SORCS1: variants seen among roughly 807,000 people sequenced by gnomAD.
SORCS1 encodes VPS10 domain-containing receptor SorCS1.
A neutral mutation model predicts 146.1 loss-of-function variants in SORCS1; 60 were observed. The observed-to-expected ratio is 0.41, with a 90% CI of 0.33 to 0.51. SORCS1 has a LOEUF of 0.51. Among genes scored for constraint, SORCS1 ranks in the 20% least tolerant of loss-of-function variants. The pLI is 0.21. For synonymous variants in SORCS1, 637 were observed against 584.0 expected (o/e 1.09, Z -1.31); for missense variants, 1,352 against 1,487.6 (o/e 0.91, Z 1.50).
chr10:107,149,689 A>G (rs1367208424), intron 1 of SORCS1, among the ~76,000 whole-genome samples: 1 of 152,242 alleles, frequency 6.6e-6, no homozygotes, highest in Non-Finnish European at 1.5e-5. Flanking sequence ...TGAGAAAATC[A>G]GATTCCTTTG....
At chr10:106,693,445 C>T (rs1209832771) in intron 9 of SORCS1, among the ~76,000 whole-genome samples, 2 of 152,094 alleles carry the variant, frequency 1.3e-5, no homozygotes, top group African/African-American at 2.4e-5. Flanking sequence ...CCTAGAGTGG[C>T]CTGAGAGAAA....
intron 1 of SORCS1, among the ~76,000 whole-genome samples, chr10:106,970,310 C>T (rs1163742517): frequency 6.9e-6 from 1 of 144,232 alleles, no homozygotes; most frequent in Non-Finnish European, 1.5e-5. Context: ...TTATCCCCTT[C>T]TTCCCTCCAA....
chr10:106,597,271 C>G, intron 24 of SORCS1, 80 bp downstream of exon 24: 1 of 1,151,638 alleles, frequency 8.7e-7, no homozygotes, highest in Non-Finnish European at 1.3e-6. Flanking sequence ...ACCATCTAGC[C>G]TTTTTATGAG....
intron 1 of SORCS1, among the ~76,000 whole-genome samples, chr10:107,141,129 T>A (rs1360686823): frequency 6.6e-6 from 1 of 152,150 alleles, no homozygotes; most frequent in Non-Finnish European, 1.5e-5. Context: ...CGACCCATGT[T>A]AACTACACTC....
chr10:107,022,833 G>A (rs1958206637), intron 1 of SORCS1, among the ~76,000 whole-genome samples: 1 of 152,120 alleles, frequency 6.6e-6, no homozygotes, highest in South Asian at 2.1e-4. Context: ...TGGATTTCTG[G>A]GTCTTACCTC....
chr10:107,045,770 A>C (rs376335874), intron 1 of SORCS1, among the ~76,000 whole-genome samples: 19 of 151,028 alleles, frequency 1.3e-4, no homozygotes, highest in Middle Eastern at 6.8e-3. Flanking sequence ...TGTTATGTGA[A>C]TATATATCTT....
intron 3 of SORCS1, among the ~76,000 whole-genome samples, chr10:106,803,400 A>G (rs1460531043): frequency 6.6e-6 from 1 of 152,194 alleles, no homozygotes; most frequent in African/African-American, 2.4e-5. Flanking sequence ...TTTATTGTAA[A>G]AGGCTAGTTT....
intron 1 of SORCS1, among the ~76,000 whole-genome samples, chr10:106,986,295 G>C (rs963597885): frequency 4.0e-4 from 60 of 151,696 alleles, no homozygotes; most frequent in African/African-American, 1.4e-3. Flanking sequence ...ACAAACACAC[G>C]TGTAAAAAAA....
chr10:106,912,563 AT>A (rs567917689), intron 2 of SORCS1, among the ~76,000 whole-genome samples: 63 of 152,326 alleles, frequency 4.1e-4, no homozygotes, highest in Non-Finnish European at 5.4e-4. Context: ...GGATCACTGT[AT>A]AATCCTTCTG....
At chr10:107,082,465 C>CT (rs530813553) in intron 1 of SORCS1, among the ~76,000 whole-genome samples, 21 of 151,396 alleles carry the variant, frequency 1.4e-4, no homozygotes, top group Admixed American at 4.6e-4. Flanking sequence ...CTTCTCCTTT[C>CT]TTTTTTTTTC....
At chr10:106,942,166 C>A (rs1285071113) in intron 2 of SORCS1, among the ~76,000 whole-genome samples, 1 of 152,174 alleles carries the variant, frequency 6.6e-6, no homozygotes, top group Non-Finnish European at 1.5e-5. Context: ...TCCCCGGGGA[C>A]AAGACATGTT....
intron 3 of SORCS1, among the ~76,000 whole-genome samples, chr10:106,820,851 G>A (rs545411564): frequency 6.6e-6 from 1 of 152,144 alleles, no homozygotes; most frequent in Non-Finnish European, 1.5e-5. Flanking sequence ...CCAGAATGTT[G>A]AAAAGACCTC....
rs548929016 is a variant in SORCS1 at position 106,985,682 on chromosome 10, G to A, written c.559-29102C>T. Reference sequence around the variant, plus strand: ...TTCCCGAGTAGCTGGGATTACAGGCGCCCACCACCACACCCAGCCAATTTT... The same window carrying A: ...TTCCCGAGTAGCTGGGATTACAGGCACCCACCACCACACCCAGCCAATTTT... On this transcript the variant is annotated intron_variant, in intron 1 of 25. Coordinates refer to ENST00000263054, the MANE Select transcript of SORCS1 (RefSeq NM_052918.5). Among the ~76,000 whole-genome samples, 9 of 151,670 alleles carry A rather than the reference G, an allele frequency of 5.9e-5. No homozygotes were observed. The South Asian group carries it at 6.3e-4, about 11-fold the overall frequency.
chr10:106,712,291 G>C (rs1163326869), intron 6 of SORCS1, among the ~76,000 whole-genome samples: 1 of 152,162 alleles, frequency 6.6e-6, no homozygotes, highest in East Asian at 1.9e-4. Context: ...TCAACAGAAA[G>C]CAAGTTGTCA....
intron 5 of SORCS1, among the ~76,000 whole-genome samples, chr10:106,743,968 A>G (rs1315868820): frequency 6.6e-6 from 1 of 152,018 alleles, no homozygotes; most frequent in Non-Finnish European, 1.5e-5. Flanking sequence ...CTTTTGCATC[A>G]TATCACGAAC....
At chr10:106,987,665 G>T (rs982079018) in intron 1 of SORCS1, among the ~76,000 whole-genome samples, 1 of 152,146 alleles carries the variant, frequency 6.6e-6, no homozygotes, top group African/African-American at 2.4e-5. Flanking sequence ...TTCAGTTTCT[G>T]TCTGTTGCTG....
At chr10:107,014,052 A>C (rs1957790134) in intron 1 of SORCS1, among the ~76,000 whole-genome samples, 1 of 152,086 alleles carries the variant, frequency 6.6e-6, no homozygotes, top group Non-Finnish European at 1.5e-5. Context: ...CAAGAGATCG[A>C]GATCATCCTG....
intron 3 of SORCS1, among the ~76,000 whole-genome samples, chr10:106,803,586 T>C (rs1009829385): frequency 7.9e-5 from 12 of 152,224 alleles, no homozygotes; most frequent in African/African-American, 2.9e-4. Flanking sequence ...CAGTATCTTC[T>C]CTCCAACCTC....
rs115824559 is a variant in SORCS1, at chr10:106,966,688, T to C, written c.559-10108A>G. On this transcript the variant is annotated intron_variant, in intron 1 of 25. Transcript: ENST00000263054. ...GCCCTCGTGAAGAGCAAAAAACTTT[T>C]TGTAAATTTGCTATACCCTCCTGAC... is the stretch of plus-strand genomic sequence containing the variant. Among the ~76,000 whole-genome samples the C allele has an allele frequency of 5.0e-3, 754 of 152,240 alleles. 11 individuals are homozygous for C. The highest frequency in any genetic ancestry group is 0.017 in the African/African-American group (717 of 41,536).
Sources: gnomAD v4.1 joint callset for allele counts (sites outside exome capture counted in the v4.1 genomes callset) on GRCh38, gnomAD v4.1.1 for gene constraint, MANE v1.5 for transcripts, NCBI Gene and HGNC (gene_info 2026-07-23, HGNC 2026-07-21) for gene names.